Variants in CYTH1 observed in about 807,000 individuals in gnomAD.
CYTH1 encodes the protein cytohesin 1, also known as cytohesin-1.
Under a neutral mutation model 61.8 loss-of-function variants are expected in CYTH1, and 18 were observed. The ratio of observed to expected loss-of-function variants is 0.29; its 90% confidence interval spans 0.20 to 0.43. The LOEUF (loss-of-function observed/expected upper bound fraction) is 0.43, where lower values mean the gene tolerates loss of function less well. CYTH1 is among the 20% of genes least tolerant of loss of function. CYTH1 has a pLI of 1.00. For synonymous variants in CYTH1, 174 were observed against 184.3 expected (o/e 0.94, Z 0.45); for missense variants, 336 against 510.5 (o/e 0.66, Z 3.29).
At chr17:78,779,742 G>A (rs1467193512) in intron 1 of CYTH1, among the ~76,000 whole-genome samples, 1 of 152,178 alleles carries the variant, frequency 6.6e-6, no homozygotes, top group Non-Finnish European at 1.5e-5. Context: ...TCTAGAAGCT[G>A]GAAAAGGTAA....
intron 1 of CYTH1, among the ~76,000 whole-genome samples, chr17:78,738,268 C>T (rs534893771): frequency 1.3e-5 from 2 of 152,198 alleles, no homozygotes; most frequent in African/African-American, 4.8e-5. Flanking sequence ...GGTGAGTGTC[C>T]TCGCCATCCC....
At chr17:78,746,395 C>T (rs1370784461) in intron 1 of CYTH1, among the ~76,000 whole-genome samples, 1 of 152,162 alleles carries the variant, frequency 6.6e-6, no homozygotes, top group African/African-American at 2.4e-5. Flanking sequence ...ACCATGTAGA[C>T]TAATGAAATT....
chr17:78,781,330 C>G (rs2093516665), intron 1 of CYTH1, among the ~76,000 whole-genome samples: 1 of 152,264 alleles, frequency 6.6e-6, no homozygotes, highest in African/African-American at 2.4e-5. Flanking sequence ...CATGAACAAA[C>G]TTAATAAATT....
chr17:78,689,342 C>T (rs753611427), intron 11 of CYTH1, among the ~76,000 whole-genome samples: 1 of 152,228 alleles, frequency 6.6e-6, no homozygotes, highest in Non-Finnish European at 1.5e-5. Context: ...GTACTTGCAG[C>T]TGCTCCCCAG....
chr17:78,699,811 G>T (rs1219509215), intron 7 of CYTH1, among the ~76,000 whole-genome samples: 1 of 152,102 alleles, frequency 6.6e-6, no homozygotes, highest in East Asian at 1.9e-4. Context: ...TTGAGACAGG[G>T]TCTCACTCTG....
chr17:78,686,719 C>T (rs1435001099), intron 11 of CYTH1, among the ~76,000 whole-genome samples: 1 of 152,120 alleles, frequency 6.6e-6, no homozygotes, highest in African/African-American at 2.4e-5. Context: ...CGGACAAAGG[C>T]AGGGGAGGGA....
Position 78,752,203 on chromosome 17 carries a change from T to C in CYTH1, c.22+29999A>G, listed in dbSNP as rs374343881. On this transcript the variant is annotated intron_variant, in intron 1 of 13. Coordinates refer to ENST00000446868, the MANE Select transcript of CYTH1 (RefSeq NM_004762.6). ...TACAAGGCTGATCATATGATCTCCA[T>C]GTTCAGATTTCTTTTTCTATTTCTA... Among the ~76,000 whole-genome samples the C allele has an allele frequency of 1.4e-3, 210 of 152,356 alleles. 10 individuals are homozygous for C. In the South Asian group the frequency reaches 0.042, roughly 31 times the overall value.
chr17:78,733,742 A>G (rs1409532863), intron 1 of CYTH1, among the ~76,000 whole-genome samples: 1 of 152,246 alleles, frequency 6.6e-6, no homozygotes, highest in East Asian at 1.9e-4. Context: ...GATTCCCCAG[A>G]TGGACAAGAA....
intron 1 of CYTH1, among the ~76,000 whole-genome samples, chr17:78,777,122 T>C (rs2093495175): frequency 7.1e-6 from 1 of 141,808 alleles, no homozygotes; most frequent in African/African-American, 2.7e-5. Flanking sequence ...TGAAACTCTG[T>C]CTCACAAAAA....
At chr17:78,679,503 C>T (rs950112115) in intron 13 of CYTH1, among the ~76,000 whole-genome samples, 1 of 152,194 alleles carries the variant, frequency 6.6e-6, no homozygotes, top group African/African-American at 2.4e-5. Flanking sequence ...CCAGGCAGAC[C>T]AAGTCCCAGG....
chr17:78,770,178 G>A (rs2093464912), intron 1 of CYTH1, among the ~76,000 whole-genome samples: 1 of 150,878 alleles, frequency 6.6e-6, no homozygotes, highest in South Asian at 2.1e-4. Context: ...ACAAAAATTA[G>A]CCAGGCATGG....
chr17:78,782,173 G>A lies in CYTH1; in HGVS notation c.22+29C>T, dbSNP rs1013222908. The A allele has an allele frequency of 1.1e-5, 15 of 1,358,988 alleles. No homozygotes were observed. The African/African-American group carries it at 1.4e-4, about 12-fold the overall frequency. 84.2% of individuals were successfully genotyped at this position (1,358,988 alleles called of 1,614,324 possible). On this transcript the variant is annotated intron_variant, in intron 1 of 13. Transcript: ENST00000446868. ...GGAGGGGACTGGGGGACAGCGAGGG[G>A]GAAGCGTCCGCCGCCGGGGCGCACT...
At chr17:78,766,332 C>T (rs550346845) in intron 1 of CYTH1, among the ~76,000 whole-genome samples, 62 of 152,318 alleles carry the variant, frequency 4.1e-4, no homozygotes, top group African/African-American at 1.4e-3. Context: ...GAGAGACAAG[C>T]TCAGTAAGAT....
At chr17:78,768,436 C>A (rs1352223551) in intron 1 of CYTH1, among the ~76,000 whole-genome samples, 3 of 152,158 alleles carry the variant, frequency 2.0e-5, no homozygotes, top group Non-Finnish European at 2.9e-5. Flanking sequence ...GGACACTGTA[C>A]AAGTACCACA....
rs35074589 is a variant in CYTH1, at chr17:78,681,837, C to CAAA, written c.892-798_892-796dup. Among the ~76,000 whole-genome samples, 857 of 72,408 alleles carry CAAA rather than the reference C, an allele frequency of 0.012. 37 individuals are homozygous for CAAA. In the East Asian group the frequency reaches 0.16, roughly 13 times the overall value. 47.5% of individuals were successfully genotyped at this position (72,408 alleles called of 152,430 possible). A position where few individuals can be genotyped will look rare whatever the true frequency, so the allele number is the denominator to read the frequency against. On this transcript the variant is annotated intron_variant, in intron 11 of 13. Coordinates refer to ENST00000446868, the MANE Select transcript of CYTH1 (RefSeq NM_004762.6). ...TGGGTGACAGAGCAAGACTCTGTCT[C>CAAA]AAAAAAAAAAAAAAAAAACCAACCA...
chr17:78,728,419 C>A (rs2093277381), intron 1 of CYTH1, among the ~76,000 whole-genome samples: 1 of 152,000 alleles, frequency 6.6e-6, no homozygotes, highest in Admixed American at 6.6e-5. Flanking sequence ...GTGGCACATG[C>A]CTGTAATCCC....
chr17:78,679,478 G>A (rs1384162359), intron 13 of CYTH1, among the ~76,000 whole-genome samples: 1 of 152,190 alleles, frequency 6.6e-6, no homozygotes, highest in Non-Finnish European at 1.5e-5. Context: ...CCTCGCACAG[G>A]GACTGGAGGG....
intron 1 of CYTH1, among the ~76,000 whole-genome samples, chr17:78,733,777 T>C (rs2093307090): frequency 6.6e-6 from 1 of 152,158 alleles, no homozygotes; most frequent in African/African-American, 2.4e-5. Flanking sequence ...CCAAGCAAGA[T>C]AAAGTGTATG....
intron 11 of CYTH1, among the ~76,000 whole-genome samples, chr17:78,685,734 A>C (rs1336200988): frequency 6.6e-6 from 1 of 151,932 alleles, no homozygotes; most frequent in Non-Finnish European, 1.5e-5. Context: ...TTTTTTTTTC[A>C]AGAAGGTTCC....
Sources: gnomAD v4.1 joint callset for allele counts (sites outside exome capture counted in the v4.1 genomes callset) on GRCh38, gnomAD v4.1.1 for gene constraint, MANE v1.5 for transcripts, NCBI Gene and HGNC (gene_info 2026-07-23, HGNC 2026-07-21) for gene names.